Variants in GOLM1 observed in about 807,000 individuals in gnomAD.
GOLM1 encodes the protein epididymis luminal protein 46.
GOLM1 carries 31 observed loss-of-function variants against 50.5 expected under a neutral mutation model. The observed-to-expected ratio is 0.61, with a 90% CI of 0.46 to 0.83. The LOEUF (loss-of-function observed/expected upper bound fraction) is 0.83. GOLM1 is among the 40% of genes least tolerant of loss of function. The pLI is 0.00. For missense variants in GOLM1, 491 were observed against 501.3 expected, an observed-to-expected ratio of 0.98 and a Z score of 0.20; for synonymous variants, 178 against 192.8, an observed-to-expected ratio of 0.92 and a Z score of 0.64.
At position 86,064,217 on chromosome 9, in the gene GOLM1, T is replaced by C. The variant is rs533519209; in HGVS notation, c.310-11626A>G. On this transcript the variant is annotated intron_variant, in intron 3 of 9. Coordinates refer to ENST00000388712, the MANE Select transcript of GOLM1 (RefSeq NM_016548.4). ...TGGGAAGCAAATTACTTGAGTTTAATTATAAACCTGTATTTGAAGGTTGAA... is the reference window on the plus strand; with the variant it reads ...TGGGAAGCAAATTACTTGAGTTTAACTATAAACCTGTATTTGAAGGTTGAA... 5.9e-5 allele frequency among the ~76,000 whole-genome samples: 9 copies of C among 152,326 alleles called. No individual in the cohort carries two copies. The South Asian group carries it at 1.9e-3, about 32-fold the overall frequency.
At chr9:86,056,883 C>CCCCA (rs958832212) in intron 3 of GOLM1, among the ~76,000 whole-genome samples, 2 of 152,142 alleles carry the variant, frequency 1.3e-5, no homozygotes, top group African/African-American at 4.8e-5. Context: ...TCACTGCAGC[C>CCCCA]CCCAGCTCCT....
intron 1 of GOLM1, 106 bp from the exon 2 acceptor site, chr9:86,079,447 G>A (rs537756100): frequency 1.6e-5 from 14 of 884,694 alleles, no homozygotes; most frequent in South Asian, 1.4e-4. Flanking sequence ...GCCAAGAAGC[G>A]TGGGCTGGTA....
chr9:86,028,567 A>C (rs1832860544), intron 9 of GOLM1, among the ~76,000 whole-genome samples: 1 of 152,232 alleles, frequency 6.6e-6, no homozygotes, highest in Non-Finnish European at 1.5e-5. Context: ...CCTGGGATAC[A>C]GAAAGCCCTC....
chr9:86,045,412 C>T (rs1488462490), intron 5 of GOLM1, among the ~76,000 whole-genome samples: 3 of 151,996 alleles, frequency 2.0e-5, no homozygotes, highest in Non-Finnish European at 4.4e-5. Context: ...GTGGCTCACA[C>T]CTGTAATCCC....
At chr9:86,060,912 A>G (rs112999008) in intron 3 of GOLM1, among the ~76,000 whole-genome samples, 83 of 76,548 alleles carry the variant, frequency 1.1e-3, no homozygotes, top group East Asian at 0.01. Context: ...AAAAAAAAAA[A>G]AAGAAGAAGA....
At chr9:86,086,906 T>C (rs530425258) in intron 1 of GOLM1, among the ~76,000 whole-genome samples, 17 of 152,296 alleles carry the variant, frequency 1.1e-4, no homozygotes, top group African/African-American at 4.1e-4. Flanking sequence ...AGCTTTGTCT[T>C]TTTGCTTAGG....
chr9:86,087,256 T>C (rs762135302), intron 1 of GOLM1, among the ~76,000 whole-genome samples: 6 of 152,140 alleles, frequency 3.9e-5, no homozygotes, highest in Non-Finnish European at 8.8e-5. Context: ...GTTTGTCTAT[T>C]AGTGTATAGG....
chr9:86,035,127 T>A (rs892082360), intron 8 of GOLM1: 2 of 985,292 alleles, frequency 2.0e-6, no homozygotes, highest in Non-Finnish European at 1.2e-6. Context: ...ACTTGCAAGG[T>A]CCCCTCGACT....
At chr9:86,050,488 G>A (rs1478051398) in intron 4 of GOLM1, among the ~76,000 whole-genome samples, 1 of 152,092 alleles carries the variant, frequency 6.6e-6, no homozygotes, top group Non-Finnish European at 1.5e-5. Flanking sequence ...GAATTGCCTG[G>A]TCCTGGACTT....
rs116583603 is a variant in GOLM1 at position 86,046,386 on chromosome 9, A to G, written c.467+84T>C. On this transcript the variant is annotated intron_variant, in intron 5 of 9. Coordinates refer to ENST00000388712, the MANE Select transcript of GOLM1 (RefSeq NM_016548.4). Reference sequence around the variant, plus strand: ...GCACGGAGCAGAAGGTGCATGCTCTATCGGAGGTTACATCTCAGCTTAATC... The same window carrying G: ...GCACGGAGCAGAAGGTGCATGCTCTGTCGGAGGTTACATCTCAGCTTAATC... 3,555 of 801,374 alleles carry G rather than the reference A, an allele frequency of 4.4e-3. 69 individuals carry two copies. The African/African-American group carries it at 0.047, about 11-fold the overall frequency. The allele number at this position is 801,374 out of a possible 1,614,324, so 49.6% of individuals were successfully genotyped here.
intron 1 of GOLM1, among the ~76,000 whole-genome samples, chr9:86,085,447 G>GTTT (rs1362115233): frequency 7.8e-5 from 4 of 51,314 alleles, no homozygotes; most frequent in Admixed American, 1.5e-4. Context: ...TTTGCCCAAA[G>GTTT]TTTTTGTTTT....
rs778794574 is a variant in GOLM1, at chr9:86,035,598, T to C, written c.785A>G (p.Asn262Ser). Residue 262 changes from asparagine to serine, a missense_variant, in exon 8 of 10, where the codon AAT (asparagine) becomes AGT (serine). Transcript: ENST00000388712. ...KEETNEIQVV[N>S]EEPQRDRLPQ... ...CAGCCTGTCCCTCTGAGGCTCCTCA[T>C]TCACCACCTGGATCTCATTGGTTTC... The C allele has an allele frequency of 3.1e-6, 5 of 1,603,214 alleles. No individual in the cohort carries two copies. Among genetic ancestry groups the C allele is most frequent in the African/African-American group, 1.3e-5 (1 of 74,100 alleles).
chr9:86,037,733 CAG>C (rs1329959057), intron 6 of GOLM1, among the ~76,000 whole-genome samples: 13 of 152,284 alleles, frequency 8.5e-5, no homozygotes, highest in Admixed American at 5.2e-4. Flanking sequence ...CAGCCCAATA[CAG>C]AGAGTCCCGG....
At chr9:86,091,582 GA>G (rs1835187555) in intron 1 of GOLM1, among the ~76,000 whole-genome samples, 1 of 152,038 alleles carries the variant, frequency 6.6e-6, no homozygotes, top group Non-Finnish European at 1.5e-5. Flanking sequence ...TTTTCTTAAA[GA>G]GATGGAATCT....
At chr9:86,035,670 TTAAAA>T in intron 7 of GOLM1, 45 bp from the exon 8 acceptor site, 1 of 1,297,006 alleles carries the variant, frequency 7.7e-7, no homozygotes, top group Non-Finnish European at 1.0e-6. Context: ...AGCATTTGAT[TTAAAA>T]AAAAAAAAAA....
At chr9:86,057,800 G>A (rs1834036647) in intron 3 of GOLM1, among the ~76,000 whole-genome samples, 1 of 152,210 alleles carries the variant, frequency 6.6e-6, no homozygotes, top group Non-Finnish European at 1.5e-5. Flanking sequence ...ACTGGAGACT[G>A]GCGGCTCTGT....
At chr9:86,031,944 A>G (rs903969297) in intron 9 of GOLM1, among the ~76,000 whole-genome samples, 1 of 150,186 alleles carries the variant, frequency 6.7e-6, no homozygotes, top group African/African-American at 2.5e-5. Context: ...AAAAAAAAAA[A>G]AAAAAAGACG....
intron 3 of GOLM1, among the ~76,000 whole-genome samples, chr9:86,071,592 G>A (rs1834449060): frequency 1.3e-5 from 2 of 151,960 alleles, no homozygotes; most frequent in Non-Finnish European, 2.9e-5. Flanking sequence ...GAGAAACGCT[G>A]TGAGGTGGAG....
intron 5 of GOLM1, among the ~76,000 whole-genome samples, chr9:86,045,219 T>G (rs1332089850): frequency 1.3e-5 from 2 of 149,312 alleles, no homozygotes; most frequent in Non-Finnish European, 3.0e-5. Context: ...GGCGTGGTGG[T>G]GGGCGCCTGT....
Sources: allele counts gnomAD v4.1 joint callset (sites outside exome capture counted in the v4.1 genomes callset), GRCh38; gene constraint gnomAD v4.1.1; transcripts MANE v1.5; gene names NCBI Gene and HGNC (gene_info 2026-07-23, HGNC 2026-07-21).